FADS6: variants seen among roughly 807,000 people sequenced by gnomAD.
The protein encoded by FADS6 is fatty acid desaturase 6.
Under a neutral mutation model 31.7 loss-of-function variants are expected in FADS6, and 28 were observed. The ratio of observed to expected loss-of-function variants is 0.88; its 90% CI spans 0.66 to 1.21. FADS6 has a LOEUF of 1.21. Ranked by LOEUF, FADS6 falls within the 50% of genes most tolerant of loss-of-function variation. The pLI is 0.00. For missense variants in FADS6, 494 were observed against 504.2 expected (o/e 0.98, Z 0.19); for synonymous variants, 191 against 213.1 (o/e 0.90, Z 0.90).
At chr17:74,880,922 A>T in intron 4 of FADS6, 146 bp downstream of exon 4, 1 of 821,832 alleles carries the variant, frequency 1.2e-6, no homozygotes, top group Non-Finnish European at 1.9e-6. Context: ...GGACGAGGCG[A>T]GGGCACAGTG....
intron 4 of FADS6, among the ~76,000 whole-genome samples, chr17:74,880,062 A>G (rs1030014508): frequency 6.6e-5 from 10 of 152,194 alleles, no homozygotes; most frequent in African/African-American, 2.4e-4. Context: ...ACAGAACTCA[A>G]TTATGGGATT....
At chr17:74,892,438 T>G in intron 2 of FADS6, 85 bp downstream of exon 2, 2 of 1,496,472 alleles carry the variant, frequency 1.3e-6, no homozygotes, top group Non-Finnish European at 1.8e-6. Context: ...CATGCACAGC[T>G]GGACACACCC....
chr17:74,888,645 G>A (rs1483242548), intron 2 of FADS6, among the ~76,000 whole-genome samples: 1 of 152,192 alleles, frequency 6.6e-6, no homozygotes, highest in African/African-American at 2.4e-5. Flanking sequence ...TCCAGCAGCT[G>A]TGGCTCCAAG....
chr17:74,881,700 A>G (rs1598555518), intron 3 of FADS6, among the ~76,000 whole-genome samples: 1 of 148,460 alleles, frequency 6.7e-6, no homozygotes, highest in Non-Finnish European at 1.5e-5. Context: ...GTGCCACTGC[A>G]CTCTCCAGCC....
At chr17:74,882,462 G>A (rs1316670295) in intron 3 of FADS6, 68 bp downstream of exon 3, 11 of 1,498,808 alleles carry the variant, frequency 7.3e-6, no homozygotes, top group Admixed American at 6.1e-5. Context: ...ATGAAGCCAC[G>A]CAGGGGAGGA....
At position 74,888,140 on chromosome 17, in the gene FADS6, ACACACACACACACACGCGCGCG is replaced by A. The variant is rs1250259472; in HGVS notation, c.411+4361_411+4382del. ...GAGCTGAGACACCACACACACACAC[ACACACACACACACACGCGCGCG>A]CGCGCGCGCGCAGAGTACCAATGTC... On this transcript the variant is annotated intron_variant, in intron 2 of 5. Transcript: ENST00000612771. Among the ~76,000 whole-genome samples the A allele has an allele frequency of 3.2e-4, 36 of 111,316 alleles. 1 individual carries two copies. Among genetic ancestry groups the A allele is most frequent in the Non-Finnish European group, 3.6e-4 (21 of 58,070 alleles). 73.0% of individuals were successfully genotyped at this position (111,316 alleles called of 152,430 possible). A position where few individuals can be genotyped will look rare whatever the true frequency, so the allele number is the denominator to read the frequency against.
chr17:74,880,916 G>A (rs539621878), intron 4 of FADS6, among the ~76,000 whole-genome samples, 152 bp downstream of exon 4: 14 of 152,298 alleles, frequency 9.2e-5, no homozygotes, highest in South Asian at 4.1e-4. Context: ...TCTCCAGGAC[G>A]AGGCGAGGGC....
intron 3 of FADS6, 66 bp from the exon 4 acceptor site, chr17:74,881,321 C>T (rs775796184): frequency 3.6e-5 from 53 of 1,452,400 alleles, no homozygotes; most frequent in Middle Eastern, 4.3e-4. Flanking sequence ...CTGGCTCAAG[C>T]GTGCTAAAGC....
chr17:74,889,870 C>CAAAAAAAAA (rs59381032), intron 2 of FADS6, among the ~76,000 whole-genome samples: 76 of 53,264 alleles, frequency 1.4e-3, no homozygotes, highest in Non-Finnish European at 1.8e-3. Context: ...GACTCAGTCT[C>CAAAAAAAAA]AAAAAAAAAA....
chr17:74,885,579 A>G (rs1021343444), intron 2 of FADS6, among the ~76,000 whole-genome samples: 11 of 151,924 alleles, frequency 7.2e-5, no homozygotes, highest in African/African-American at 2.4e-4. Context: ...ACGACCCTCA[A>G]TCCCTCTTTC....
rs762778888 is a variant in FADS6 at position 74,879,493 on chromosome 17, C to T, written c.871G>A (p.Val291Met). 16 of 1,613,740 alleles carry T rather than the reference C, an allele frequency of 9.9e-6. No homozygotes were observed. Among genetic ancestry groups the T allele is most frequent in the East Asian group, 2.2e-5 (1 of 44,898 alleles). ...GAGTGGCCGAACGCCCAGTCCAGCACGGGCAGCCGGGCCAGGTTAAGCACC... is the reference window on the plus strand; with the variant it reads ...GAGTGGCCGAACGCCCAGTCCAGCATGGGCAGCCGGGCCAGGTTAAGCACC... ...LGVLNLARLPVLDWAFGHSII... is the reference protein window; with the variant it reads ...LGVLNLARLPMLDWAFGHSII... Residue 291 changes from valine to methionine, a missense_variant, in exon 5 of 6, where the codon GTG becomes ATG. By Grantham distance (21) the Val-to-Met change is conservative. Coordinates refer to ENST00000612771, the MANE Select transcript of FADS6 (RefSeq NM_178128.6).
intron 2 of FADS6, among the ~76,000 whole-genome samples, chr17:74,887,852 C>T (rs1340120395): frequency 6.6e-6 from 1 of 152,076 alleles, no homozygotes; most frequent in African/African-American, 2.4e-5. Context: ...CGCCCGGCTA[C>T]CTTTTTTCAT....
In FADS6 at chr17:74,877,716, A is replaced by G. The variant is rs2038520464; in HGVS notation, c.*615T>C. 4.1e-6 allele frequency: 4 copies of G among 985,140 alleles called. No homozygotes were observed. Among genetic ancestry groups the G allele is most frequent in the African/African-American group, 3.5e-5 (2 of 57,092 alleles). 61.0% of individuals were successfully genotyped at this position (985,140 alleles called of 1,614,324 possible). ...CTGGAGTTCCCTCCCGACAAAACAC[A>G]CTCACTTTTATCTTGCTGATACTGT... On this transcript the variant is annotated 3_prime_UTR_variant, in exon 6 of 6. Transcript: ENST00000612771.
In FADS6 at chr17:74,881,240, A is replaced by G. The variant is rs772991279; in HGVS notation, c.608T>C (p.Val203Ala). The G allele has an allele frequency of 6.3e-6, 10 of 1,597,374 alleles. No individual in the cohort carries two copies. The East Asian group carries it at 1.8e-4, about 29-fold the overall frequency. Residue 203 changes from valine to alanine, a missense_variant, in exon 4 of 6, where the codon GTG becomes GCG. Val to Ala is a moderately conservative substitution (Grantham distance 64). Around this residue, in one of 2 missense-constraint regions of FADS6, gnomAD observed 454 missense variants for 438.5 expected, o/e 1.04. Coordinates refer to ENST00000612771, the MANE Select transcript of FADS6 (RefSeq NM_178128.6). ...PLVAVERLRK[V>A]ELGTALRTLA... ...CGTCCGCAGGGCTGTCCCGAGCTCC[A>G]CCTTCCTCAGCCGCTCTGCCATAGA...
At chr17:74,880,365 T>A (rs2038554937) in intron 4 of FADS6, among the ~76,000 whole-genome samples, 2 of 150,560 alleles carry the variant, frequency 1.3e-5, no homozygotes, top group South Asian at 4.2e-4. Flanking sequence ...TTATTATTTC[T>A]TTTTTTTTAG....
rs113758256 is a variant in FADS6 at position 74,888,712 on chromosome 17, C to T, written c.411+3811G>A. On this transcript the variant is annotated intron_variant, in intron 2 of 5. Transcript: ENST00000612771. ...ATTTGAAGCGGAGACACCAGAGCTT[C>T]GGAACTGGCAGGGCCTGTTCCCTCC... Among the ~76,000 whole-genome samples the T allele has an allele frequency of 2.8e-4, 42 of 152,336 alleles. 1 individual carries two copies. Among genetic ancestry groups the T allele is most frequent in the African/African-American group, 9.4e-4 (39 of 41,564 alleles).
At chr17:74,892,745 C>A (rs1376385141) in intron 1 of FADS6, 56 bp from the exon 2 acceptor site, 2 of 1,511,948 alleles carry the variant, frequency 1.3e-6, no homozygotes, top group African/African-American at 2.7e-5. Context: ...TGATCTGGGC[C>A]CAAATACCTC....
intron 2 of FADS6, among the ~76,000 whole-genome samples, chr17:74,888,845 A>G (rs1040822326): frequency 1.6e-4 from 24 of 152,198 alleles, no homozygotes; most frequent in South Asian, 2.1e-4. Context: ...CCCATCCCAC[A>G]CTGCCCCCAA....
chr17:74,892,629 C>A lies in FADS6; in HGVS notation c.305G>T (p.Gly102Val). The A allele has an allele frequency of 6.2e-7, 1 of 1,613,340 alleles. No homozygotes were observed. Among genetic ancestry groups the A allele is most frequent in the Non-Finnish European group, 8.5e-7 (1 of 1,179,610 alleles). The change falls in exon 2 of 6, where the codon GGT becomes GTT. Residue 102 changes from glycine to valine, a missense_variant. Physicochemically the swap from Gly to Val is moderately radical, Grantham distance 109. This residue lies in a region of FADS6 where 454 missense variants were observed against 438.5 expected (regional missense o/e 1.04). Transcript: ENST00000612771. ...GACAGTGAGTGTGTAGTGGCACACA[C>A]CCAAGATGGTGATGCCGGATGCAAA... The part of the protein sequence containing the change: ...LVFASGITIL[G>V]VCHYTLTVKG...
Sources: allele counts gnomAD v4.1 joint callset (sites outside exome capture counted in the v4.1 genomes callset), GRCh38; gene constraint gnomAD v4.1.1; regional missense constraint gnomAD v4.1.1; transcripts MANE v1.5; gene names NCBI Gene and HGNC (gene_info 2026-07-23, HGNC 2026-07-21).